CILK1: variants seen among roughly 807,000 people sequenced by gnomAD.
CILK1 encodes the protein serine/threonine-protein kinase ICK.
Under a neutral mutation model 79.2 loss-of-function variants are expected in CILK1, and 47 were observed. The observed-to-expected ratio is 0.59, with a 90% CI of 0.47 to 0.76. The LOEUF (loss-of-function observed/expected upper bound fraction) is 0.76. CILK1 is among the 30% of genes least tolerant of loss of function. The pLI, the probability that CILK1 is intolerant of heterozygous loss-of-function variation, is 0.00. For missense variants in CILK1, 660 were observed against 769.5 expected (o/e 0.86, Z 1.68); for synonymous variants, 266 against 275.9 (o/e 0.96, Z 0.36).
chr6:53,021,164 A>G (rs1276985511), intron 5 of CILK1, among the ~76,000 whole-genome samples: 1 of 152,190 alleles, frequency 6.6e-6, no homozygotes, highest in East Asian at 1.9e-4. Context: ...TCTACTAAAA[A>G]TATTTTAAAA....
At chr6:53,051,566 G>A (rs888819868) in intron 1 of CILK1, among the ~76,000 whole-genome samples, 15 of 152,234 alleles carry the variant, frequency 9.9e-5, no homozygotes, top group Admixed American at 5.2e-4. Context: ...CTTGTCTTCT[G>A]TTTTTAAATC....
intron 1 of CILK1, among the ~76,000 whole-genome samples, chr6:53,051,172 G>A (rs1767455272): frequency 6.6e-6 from 1 of 152,228 alleles, no homozygotes; most frequent in Non-Finnish European, 1.5e-5. Context: ...TCTCAAGGAA[G>A]GCTCTGGGCC....
rs866883936 is a variant in CILK1, at chr6:53,030,770, A to C, written c.358+295T>G. On this transcript the variant is annotated intron_variant, in intron 5 of 13. Coordinates refer to ENST00000676107, the MANE Select transcript of CILK1 (RefSeq NM_014920.5). ...ATACATGAAACTGCTCAGAATTCTA[A>C]TTGTAGGTTTCTCATTTAACATACT... Among the ~76,000 whole-genome samples, 11 of 152,354 alleles carry C rather than the reference A, an allele frequency of 7.2e-5. No individual in the cohort carries two copies. In the Middle Eastern group the frequency reaches 0.014, roughly 188 times the overall value.
chr6:53,009,468 G>T lies in CILK1; in HGVS notation c.1592C>A (p.Thr531Lys), dbSNP rs1764429612. The change falls in exon 12 of 14, where the codon ACA (threonine) becomes AAA (lysine). Residue 531 changes from threonine to lysine, a missense_variant. Thr to Lys is a moderately conservative substitution (Grantham distance 78). Transcript: ENST00000676107. ...SSGLSGKSSG[T>K]MSVISKVNSV... ...ATTTACTTTGCTGATTACTGACATT[G>T]TCCCTGAAGATTTTCCAGACAAGCC... The T allele has an allele frequency of 3.7e-6, 6 of 1,614,032 alleles. No individual in the cohort carries two copies. In the East Asian group the frequency reaches 1.3e-4, roughly 36 times the overall value.
intron 5 of CILK1, among the ~76,000 whole-genome samples, chr6:53,022,153 T>C (rs956786617): frequency 2.6e-5 from 4 of 152,136 alleles, no homozygotes; most frequent in Non-Finnish European, 5.9e-5. Context: ...TTAAAAAAAG[T>C]ATAAGTTTAT....
rs540976541 is a variant in CILK1 at position 53,001,795 on chromosome 6, T to A, written c.*3354A>T. ...TTTAAATGATATAAAATAATTAGTA[T>A]GTCAAACATCTTCTTATAAACATAT... On this transcript the variant is annotated 3_prime_UTR_variant, in exon 14 of 14. Coordinates refer to ENST00000676107, the MANE Select transcript of CILK1 (RefSeq NM_014920.5). 6.5e-6 allele frequency: 1 copy of A among 152,692 alleles called. No homozygotes were observed. The highest frequency in any genetic ancestry group is 2.4e-5 in the African/African-American group (1 of 41,474). The allele number at this position is 152,692 out of a possible 1,614,324, so 9.5% of individuals were successfully genotyped here.
rs369829055 is a variant in CILK1 at position 53,041,057 on chromosome 6, C to T, written c.101+79G>A. 2.6e-5 allele frequency: 25 copies of T among 950,736 alleles called. No homozygotes were observed. In the East Asian group the frequency reaches 4.6e-4, roughly 17 times the overall value. The allele number at this position is 950,736 out of a possible 1,614,324, so 58.9% of individuals were successfully genotyped here. ...TTCTTCTCTAGGCATCCTACCCACT[C>T]CCCTTTAGAACTGTTACAAAGACGG... is the stretch of plus-strand genomic sequence containing the variant. On this transcript the variant is annotated intron_variant, in intron 2 of 13. Transcript: ENST00000676107.
At chr6:53,043,819 T>TATGCTTAGGGCACAGG (rs71305704) in intron 1 of CILK1, among the ~76,000 whole-genome samples, 141,018 of 151,918 alleles carry the variant, frequency 0.93, 65,537 homozygotes, top group East Asian at 1. Flanking sequence ...ATATTTCAAG[T>TATGCTTAGGGCACAGG]ATGTGGAGGG....
At chr6:53,018,627 T>A in intron 6 of CILK1, 126 bp from the exon 7 acceptor site, 1 of 966,520 alleles carries the variant, frequency 1.0e-6, no homozygotes. Context: ...TGTGGTGTAA[T>A]GGAATTGTGA....
chr6:53,017,705 T>C, intron 7 of CILK1, among the ~76,000 whole-genome samples: 1 of 152,106 alleles, frequency 6.6e-6, no homozygotes. Flanking sequence ...GTCCAGTCTG[T>C]AATGGCAGCA....
At chr6:53,051,075 C>T (rs1401041678) in intron 1 of CILK1, among the ~76,000 whole-genome samples, 3 of 152,100 alleles carry the variant, frequency 2.0e-5, no homozygotes, top group African/African-American at 7.2e-5. Flanking sequence ...AAGACATGGA[C>T]ACTGGATTAA....
rs1052171038 is a variant in CILK1 at position 53,061,612 on chromosome 6, G to A, written c.-189C>T. ...CCCACTTACTGGCGCCGCGAACGCA[G>A]GCGGGGGCCCGCCCCTGAGGTGAGC... On this transcript the variant is annotated 5_prime_UTR_variant, in exon 1 of 14. Transcript: ENST00000676107. 1.3e-5 allele frequency: 2 copies of A among 152,414 alleles called. No individual in the cohort carries two copies. Among genetic ancestry groups the A allele is most frequent in the South Asian group, 2.1e-4 (1 of 4,840 alleles). The allele number at this position is 152,414 out of a possible 1,614,324, so 9.4% of individuals were successfully genotyped here.
chr6:53,003,081 C>T lies in CILK1; in HGVS notation c.*2068G>A, dbSNP rs1229397251. The T allele has an allele frequency of 2.6e-5, 4 of 152,618 alleles. No individual in the cohort carries two copies. In the East Asian group the frequency reaches 5.8e-4, roughly 22 times the overall value. 9.5% of individuals were successfully genotyped at this position (152,618 alleles called of 1,614,324 possible). On this transcript the variant is annotated 3_prime_UTR_variant, in exon 14 of 14. Coordinates refer to ENST00000676107, the MANE Select transcript of CILK1 (RefSeq NM_014920.5). The stretch of plus-strand genomic sequence containing the variant: ...ATCTCTGAAAACACATGTTCTGATG[C>T]TTTAGATAACGAGTTGAGAATATAA...
At chr6:53,024,588 C>T (rs1765452091) in intron 5 of CILK1, among the ~76,000 whole-genome samples, 1 of 152,168 alleles carries the variant, frequency 6.6e-6, no homozygotes, top group Non-Finnish European at 1.5e-5. Context: ...TTGGTCAACG[C>T]ACCTGTGACC....
At chr6:53,056,407 T>G (rs1188257675) in intron 1 of CILK1, among the ~76,000 whole-genome samples, 1 of 152,174 alleles carries the variant, frequency 6.6e-6, no homozygotes. Context: ...ACTCTGCCAT[T>G]GTAGCATGAA....
chr6:53,061,498 G>C (rs1196135020), intron 1 of CILK1, 98 bp downstream of exon 1: 3 of 152,368 alleles, frequency 2.0e-5, no homozygotes, highest in Admixed American at 6.5e-5. Flanking sequence ...GATCCGTCGC[G>C]GGGCCACGGC....
rs1291176667 is a variant in CILK1, at chr6:53,003,099, G to A, written c.*2050C>T. ...TCTGATGCTTTAGATAACGAGTTGAGAATATAATACAGAAATGAATTCAGC... is the reference window on the plus strand; with the variant it reads ...TCTGATGCTTTAGATAACGAGTTGAAAATATAATACAGAAATGAATTCAGC... On this transcript the variant is annotated 3_prime_UTR_variant, in exon 14 of 14. Coordinates refer to ENST00000676107, the MANE Select transcript of CILK1 (RefSeq NM_014920.5). The A allele has an allele frequency of 6.6e-6, 1 of 152,616 alleles. No individual in the cohort carries two copies. The highest frequency in any genetic ancestry group is 1.9e-4 in the East Asian group (1 of 5,204). The allele number at this position is 152,616 out of a possible 1,614,324, so 9.5% of individuals were successfully genotyped here. A position where few individuals can be genotyped will look rare whatever the true frequency, so the allele number is the denominator to read the frequency against.
At position 53,041,323 on chromosome 6, in the gene CILK1, G is replaced by C; in HGVS notation, c.-87C>G. 1 of 865,036 alleles carries C rather than the reference G, an allele frequency of 1.2e-6. No homozygotes were observed. Among genetic ancestry groups the C allele is most frequent in the Non-Finnish European group, 2.0e-6 (1 of 509,222 alleles). The allele number at this position is 865,036 out of a possible 1,614,324, so 53.6% of individuals were successfully genotyped here. Reference sequence around the variant, plus strand: ...AGCAGTCCTCCCCAGAGTGTAACCAGATTTTTCGATGGCAGCACCAGCACA... The same window carrying C: ...AGCAGTCCTCCCCAGAGTGTAACCACATTTTTCGATGGCAGCACCAGCACA... On this transcript the variant is annotated 5_prime_UTR_variant, in exon 2 of 14. It adds an upstream start codon to the 5' untranslated region. Transcript: ENST00000676107.
intron 5 of CILK1, among the ~76,000 whole-genome samples, chr6:53,027,823 G>A (rs1765671519): frequency 6.6e-6 from 1 of 152,082 alleles, no homozygotes; most frequent in Admixed American, 6.6e-5. Context: ...TGGCCAACAT[G>A]GTGAAAACCC....
Sources: gnomAD v4.1 joint callset for allele counts (sites outside exome capture counted in the v4.1 genomes callset) on GRCh38, gnomAD v4.1.1 for gene constraint, MANE v1.5 for transcripts, NCBI Gene and HGNC (gene_info 2026-07-23, HGNC 2026-07-21) for gene names.